EYS: variants seen among roughly 807,000 people sequenced by gnomAD.
EYS encodes protein eyes shut homolog.
Under a neutral mutation model 282.1 loss-of-function variants are expected in EYS, and 250 were observed. That is an observed-to-expected ratio of 0.89 (90% CI 0.80 to 0.98). EYS has a LOEUF of 0.98. EYS is among the 50% of genes least tolerant of loss of function. The pLI, the probability that EYS is intolerant of heterozygous loss-of-function variation, is 0.00. For missense variants in EYS, 4,016 were observed against 3,709.0 expected, an observed-to-expected ratio of 1.08 and a Z score of -2.15; for synonymous variants, 1,355 against 1,282.9, an observed-to-expected ratio of 1.06 and a Z score of -1.20.
intron 14 of EYS, among the ~76,000 whole-genome samples, chr6:64,966,923 T>A (rs993751880): frequency 1.3e-5 from 2 of 152,180 alleles, no homozygotes; most frequent in Non-Finnish European, 1.5e-5. Context: ...TACCCTTTGA[T>A]CATCTGGCTA....
chr6:65,484,321 T>A (rs1162070205), intron 5 of EYS, among the ~76,000 whole-genome samples: 4 of 152,188 alleles, frequency 2.6e-5, no homozygotes, highest in African/African-American at 9.6e-5. Context: ...TTATTTATGG[T>A]TGCACTAAAA....
intron 19 of EYS, 22 bp downstream of exon 19, chr6:64,886,675 C>T (rs1767094724): frequency 1.3e-6 from 2 of 1,521,442 alleles, no homozygotes; most frequent in East Asian, 2.6e-5. Context: ...TGTTGCTGCA[C>T]ATGGGACAGA....
At chr6:64,780,386 C>T (rs896377650) in intron 22 of EYS, among the ~76,000 whole-genome samples, 2 of 152,010 alleles carry the variant, frequency 1.3e-5, no homozygotes, top group Admixed American at 6.6e-5. Flanking sequence ...ATGGATGGAG[C>T]CATTAATCTA....
At chr6:64,031,818 T>G (rs1000702406) in intron 33 of EYS, among the ~76,000 whole-genome samples, 8 of 152,108 alleles carry the variant, frequency 5.3e-5, no homozygotes, top group African/African-American at 1.9e-4. Context: ...AACGCACCAA[T>G]CAGCACCCTG....
chr6:64,117,241 C>T (rs1773415522), intron 31 of EYS, among the ~76,000 whole-genome samples: 1 of 151,346 alleles, frequency 6.6e-6, no homozygotes, highest in African/African-American at 2.4e-5. Context: ...AAATCAATTA[C>T]AGAGGAAAAA....
intron 37 of EYS, among the ~76,000 whole-genome samples, chr6:63,796,518 T>C (rs191854714): frequency 4.1e-4 from 63 of 152,328 alleles, no homozygotes; most frequent in Non-Finnish European, 8.4e-4. Flanking sequence ...TCCTAAAGTA[T>C]TTCATTTAGA....
At chr6:65,606,196 C>A (rs1029209801) in intron 2 of EYS, among the ~76,000 whole-genome samples, 1 of 149,938 alleles carries the variant, frequency 6.7e-6, no homozygotes, top group African/African-American at 2.5e-5. Context: ...ATATTTACAA[C>A]CAGTATTCAA....
intron 12 of EYS, among the ~76,000 whole-genome samples, chr6:65,129,993 C>A (rs1412834301): frequency 6.6e-6 from 1 of 151,802 alleles, no homozygotes; most frequent in African/African-American, 2.4e-5. Flanking sequence ...GAAAAAAAAT[C>A]ATTTCATTTG....
chr6:64,028,329 C>T (rs2149826493), intron 33 of EYS, among the ~76,000 whole-genome samples: 1 of 152,302 alleles, frequency 6.6e-6, no homozygotes, highest in African/African-American at 2.4e-5. Flanking sequence ...TAAAGGATTA[C>T]AGAATATTGT....
At chr6:65,098,758 C>A (rs890570412) in intron 12 of EYS, among the ~76,000 whole-genome samples, 1 of 150,676 alleles carries the variant, frequency 6.6e-6, no homozygotes, top group African/African-American at 2.4e-5. Flanking sequence ...TATCATTTCA[C>A]CCCTTAGGCT....
At chr6:64,315,552 C>T (rs1343192135) in intron 29 of EYS, among the ~76,000 whole-genome samples, 1 of 151,374 alleles carries the variant, frequency 6.6e-6, no homozygotes, top group African/African-American at 2.4e-5. Context: ...AGCCACACAT[C>T]AAAAAGCTTT....
intron 12 of EYS, among the ~76,000 whole-genome samples, chr6:65,240,423 C>A (rs951426354): frequency 5.3e-5 from 8 of 152,052 alleles, no homozygotes; most frequent in African/African-American, 1.9e-4. Flanking sequence ...TCAGCACTTG[C>A]CCACCTCCTT....
Position 64,775,905 on chromosome 6 carries a change from T to C in EYS, c.3443+37473A>G, listed in dbSNP as rs138370666. On this transcript the variant is annotated intron_variant, in intron 22 of 42. Transcript: ENST00000503581. Reference sequence around the variant, plus strand: ...AGCTGTTTTGTGTTTTGTTTCTATGTAGACTTATCTCTCAGTAATGATGAT... The same window carrying C: ...AGCTGTTTTGTGTTTTGTTTCTATGCAGACTTATCTCTCAGTAATGATGAT... Among the ~76,000 whole-genome samples the C allele has an allele frequency of 1.0e-3, 153 of 152,224 alleles. No individual in the cohort carries two copies. In the Middle Eastern group the frequency reaches 0.014, roughly 14 times the overall value.
At chr6:64,700,452 G>A (rs559740378) in intron 22 of EYS, among the ~76,000 whole-genome samples, 25 of 152,058 alleles carry the variant, frequency 1.6e-4, no homozygotes, top group African/African-American at 5.3e-4. Context: ...TTATCTGTTA[G>A]TTGACAATAT....
intron 37 of EYS, among the ~76,000 whole-genome samples, chr6:63,794,613 C>A (rs1309727999): frequency 6.6e-6 from 1 of 152,156 alleles, no homozygotes; most frequent in Non-Finnish European, 1.5e-5. Flanking sequence ...AAACAACCAC[C>A]AATGCTATAG....
chr6:64,524,756 T>G (rs2150527898), intron 26 of EYS, among the ~76,000 whole-genome samples: 1 of 151,930 alleles, frequency 6.6e-6, no homozygotes, highest in East Asian at 1.9e-4. Context: ...TTTTGTCAAC[T>G]TTGCCAAAGA....
chr6:64,671,893 G>GA (rs1016789970), intron 22 of EYS, among the ~76,000 whole-genome samples: 8 of 151,114 alleles, frequency 5.3e-5, no homozygotes, highest in Middle Eastern at 3.4e-3. Context: ...TATGTTGATA[G>GA]AAAAAAAACA....
chr6:64,610,304 T>C (rs1178374368), intron 24 of EYS, among the ~76,000 whole-genome samples: 2 of 152,076 alleles, frequency 1.3e-5, no homozygotes, highest in Non-Finnish European at 2.9e-5. Context: ...TGCATAAAGA[T>C]GAAAGGTGGG....
chr6:63,943,288 AACTT>A (rs774095467), intron 35 of EYS, among the ~76,000 whole-genome samples: 5 of 152,366 alleles, frequency 3.3e-5, no homozygotes, highest in Non-Finnish European at 7.3e-5. Context: ...ACTCAGAGTT[AACTT>A]ACTTAGGTGG....
Sources: gnomAD v4.1 joint callset for allele counts (sites outside exome capture counted in the v4.1 genomes callset) on GRCh38, gnomAD v4.1.1 for gene constraint, MANE v1.5 for transcripts, NCBI Gene and HGNC (gene_info 2026-07-23, HGNC 2026-07-21) for gene names.